The following NMNAT3 variants were observed in gnomAD, a reference collection of about 807,000 sequenced individuals.
NMNAT3 encodes the protein nicotinamide/nicotinic acid mononucleotide adenylyltransferase 3.
In NMNAT3, 21 loss-of-function variants were observed where a neutral mutation model predicts 24.8. The observed-to-expected ratio is 0.85, with a 90% CI of 0.60 to 1.22. NMNAT3 has a LOEUF of 1.22. Among genes scored for constraint, NMNAT3 ranks in the 50% most tolerant of loss-of-function variants. NMNAT3 has a pLI of 0.00. For missense variants in NMNAT3, 387 were observed against 436.6 expected, an observed-to-expected ratio of 0.89 and a Z score of 1.01; for synonymous variants, 136 against 155.2, an observed-to-expected ratio of 0.88 and a Z score of 0.92.
At chr3:139,607,644 G>A (rs2055005564) in intron 3 of NMNAT3, among the ~76,000 whole-genome samples, 1 of 94,678 alleles carries the variant, frequency 1.1e-5, no homozygotes, top group Non-Finnish European at 2.3e-5. Flanking sequence ...CCTCCTGATT[G>A]GCTTTCATTG....
chr3:139,658,199 C>T (rs2057307448), intron 1 of NMNAT3, among the ~76,000 whole-genome samples: 1 of 152,094 alleles, frequency 6.6e-6, no homozygotes, highest in Non-Finnish European at 1.5e-5. Context: ...TTTCCCAGAG[C>T]TCACTGCCCA....
In NMNAT3 at chr3:139,641,665, T is replaced by C. The variant is rs201712936; in HGVS notation, c.-140-3603A>G. Among the ~76,000 whole-genome samples the C allele has an allele frequency of 3.3e-5, 5 of 152,280 alleles. 1 individual carries two copies. In the East Asian group the frequency reaches 9.6e-4, roughly 29 times the overall value. On this transcript the variant is annotated intron_variant, in intron 1 of 6. Transcript: ENST00000643695. ...CTTCAGCCCACAGACATCCAACTCATGAGAATTCACCTGTATGTGCTGGAC... is the reference window on the plus strand; with the variant it reads ...CTTCAGCCCACAGACATCCAACTCACGAGAATTCACCTGTATGTGCTGGAC...
chr3:139,593,729 T>C (rs1311674048), intron 3 of NMNAT3, among the ~76,000 whole-genome samples: 3 of 147,662 alleles, frequency 2.0e-5, no homozygotes, highest in African/African-American at 7.6e-5. Flanking sequence ...CATAACGAAA[T>C]GAAGGCAGAA....
chr3:139,657,401 A>C (rs2057280587), intron 1 of NMNAT3, among the ~76,000 whole-genome samples: 1 of 152,250 alleles, frequency 6.6e-6, no homozygotes, highest in South Asian at 2.1e-4. Flanking sequence ...CAAAGGAAGG[A>C]AAAACAGGTT....
chr3:139,669,134 T>G (rs1056022972), intron 1 of NMNAT3, among the ~76,000 whole-genome samples: 10 of 152,186 alleles, frequency 6.6e-5, no homozygotes, highest in African/African-American at 2.4e-4. Context: ...GCCCCAAATT[T>G]CTGCTGCTAT....
intron 3 of NMNAT3, among the ~76,000 whole-genome samples, chr3:139,593,669 G>A (rs1421342241): frequency 2.0e-5 from 3 of 149,370 alleles, no homozygotes; most frequent in Admixed American, 6.7e-5. Flanking sequence ...ACTCAAAACC[G>A]CTCAACTACA....
At chr3:139,570,551 T>C (rs1328285422) in intron 6 of NMNAT3, 1 of 152,262 alleles carries the variant, frequency 6.6e-6, no homozygotes, top group African/African-American at 2.4e-5. Flanking sequence ...TTGTTAGTTT[T>C]CCTTCTAACA....
intron 1 of NMNAT3, among the ~76,000 whole-genome samples, chr3:139,666,964 A>C (rs1016510819): frequency 1.3e-5 from 2 of 152,244 alleles, no homozygotes; most frequent in African/African-American, 4.8e-5. Context: ...ATATAATACC[A>C]CATTTTCTTT....
intron 3 of NMNAT3, among the ~76,000 whole-genome samples, chr3:139,594,241 A>T (rs1449839515): frequency 6.6e-6 from 1 of 152,132 alleles, no homozygotes; most frequent in East Asian, 1.9e-4. Context: ...CGACACATAC[A>T]CTCTCCCAAG....
At chr3:139,633,662 A>C (rs1159044050) in intron 2 of NMNAT3, among the ~76,000 whole-genome samples, 4 of 152,174 alleles carry the variant, frequency 2.6e-5, no homozygotes, top group Admixed American at 6.5e-5. Flanking sequence ...TGTGTCAGGC[A>C]CAAGGCACAG....
At chr3:139,669,645 T>C (rs781113667) in intron 1 of NMNAT3, among the ~76,000 whole-genome samples, 36 of 152,280 alleles carry the variant, frequency 2.4e-4, no homozygotes, top group Middle Eastern at 3.4e-3. Context: ...ATAAAGGCAA[T>C]GACTACAAAA....
At chr3:139,582,857 T>C in intron 4 of NMNAT3, 1 of 986,928 alleles carries the variant, frequency 1.0e-6, no homozygotes, top group Non-Finnish European at 1.4e-6. Flanking sequence ...AAATTATCTG[T>C]AAGTTTGAAG....
intron 3 of NMNAT3, among the ~76,000 whole-genome samples, chr3:139,607,598 T>C (rs2055003697): frequency 6.6e-6 from 1 of 152,196 alleles, no homozygotes; most frequent in Admixed American, 6.5e-5. Flanking sequence ...CCAGGCTCAT[T>C]TGTTACTATT....
chr3:139,591,818 T>C (rs1366936634), intron 3 of NMNAT3, among the ~76,000 whole-genome samples: 1 of 152,246 alleles, frequency 6.6e-6, no homozygotes, highest in Admixed American at 6.5e-5. Context: ...AACCCATCTG[T>C]ACTTCACCAT....
chr3:139,564,122 A>G (rs2107989142), intron 6 of NMNAT3, among the ~76,000 whole-genome samples: 1 of 152,334 alleles, frequency 6.6e-6, no homozygotes, highest in Middle Eastern at 3.4e-3. Context: ...TACTTAGCCT[A>G]TGGGCCTGTT....
chr3:139,594,450 T>C (rs1247140727), intron 3 of NMNAT3, among the ~76,000 whole-genome samples: 2 of 152,204 alleles, frequency 1.3e-5, no homozygotes, highest in Non-Finnish European at 2.9e-5. Flanking sequence ...GAATCCTCCC[T>C]AACTCAGTTT....
At chr3:139,590,004 G>A (rs771700248) in intron 3 of NMNAT3, among the ~76,000 whole-genome samples, 2 of 152,160 alleles carry the variant, frequency 1.3e-5, no homozygotes, top group African/African-American at 4.8e-5. Flanking sequence ...AGAATCCCCA[G>A]GGAGACAGTG....
At chr3:139,631,875 T>G (rs6439869) in intron 2 of NMNAT3, among the ~76,000 whole-genome samples, 3,597 of 152,340 alleles carry the variant, frequency 0.024, 133 homozygotes, top group African/African-American at 0.08. Context: ...TTTTGTTTCT[T>G]CACCAGAGAA....
chr3:139,626,108 C>T (rs1048467901), intron 3 of NMNAT3, among the ~76,000 whole-genome samples: 3 of 151,914 alleles, frequency 2.0e-5, no homozygotes, highest in Non-Finnish European at 1.5e-5. Context: ...GTTTTCTTAA[C>T]GTTTCTTGTG....
Sources: allele counts gnomAD v4.1 joint callset (sites outside exome capture counted in the v4.1 genomes callset), GRCh38; gene constraint gnomAD v4.1.1; transcripts MANE v1.5; gene names NCBI Gene and HGNC (gene_info 2026-07-23, HGNC 2026-07-21).